Variants in MEOX2 observed in about 807,000 individuals in gnomAD.
MEOX2 encodes mesenchyme homeobox 2.
Under a neutral mutation model 27.0 loss-of-function variants are expected in MEOX2, and 11 were observed. That is an observed-to-expected ratio of 0.41 (90% CI 0.26 to 0.68). The LOEUF (loss-of-function observed/expected upper bound fraction) is 0.68, where lower values mean the gene tolerates loss of function less well. Ranked by LOEUF, MEOX2 falls within the 30% of genes least tolerant of loss-of-function variation. MEOX2 has a pLI of 0.33. For synonymous variants in MEOX2, 189 were observed against 155.4 expected, an observed-to-expected ratio of 1.22 and a Z score of -1.61; for missense variants, 436 against 385.4, an observed-to-expected ratio of 1.13 and a Z score of -1.10.
At chr7:15,685,313 G>A (rs1782360473) in intron 1 of MEOX2, among the ~76,000 whole-genome samples, 1 of 151,806 alleles carries the variant, frequency 6.6e-6, no homozygotes, top group East Asian at 1.9e-4. Flanking sequence ...TTTACCATTT[G>A]AAATAGGGTG....
At chr7:15,618,494 G>T (rs1235297456) in intron 2 of MEOX2, among the ~76,000 whole-genome samples, 2 of 151,750 alleles carry the variant, frequency 1.3e-5, no homozygotes, top group Non-Finnish European at 2.9e-5. Context: ...TCAACATCTT[G>T]CCCAATCTCT....
At chr7:15,618,104 T>C (rs1420338746) in intron 2 of MEOX2, among the ~76,000 whole-genome samples, 2 of 152,034 alleles carry the variant, frequency 1.3e-5, no homozygotes, top group Admixed American at 6.6e-5. Context: ...AGTGGTTCTA[T>C]GATTGATTCC....
At chr7:15,664,775 C>A (rs1781972842) in intron 1 of MEOX2, among the ~76,000 whole-genome samples, 1 of 152,096 alleles carries the variant, frequency 6.6e-6, no homozygotes, top group Admixed American at 6.5e-5. Context: ...TTAGTCTCTG[C>A]TCTTTTGCTA....
rs960821495 is a variant in MEOX2 at position 15,663,813 on chromosome 7, C to A, written c.517+22073G>T. On this transcript the variant is annotated intron_variant, in intron 1 of 2. Coordinates refer to ENST00000262041, the MANE Select transcript of MEOX2 (RefSeq NM_005924.5). ...TGGCAGTAAGAAGCAAATCATAGCT[C>A]GTAGTAATAGCATCATTCCAATCAC... 5.3e-5 allele frequency among the ~76,000 whole-genome samples: 8 copies of A among 152,150 alleles called. No individual in the cohort carries two copies. The South Asian group carries it at 6.2e-4, about 12-fold the overall frequency.
chr7:15,624,494 G>A (rs1349405125), intron 2 of MEOX2, among the ~76,000 whole-genome samples: 1 of 152,134 alleles, frequency 6.6e-6, no homozygotes, highest in African/African-American at 2.4e-5. Flanking sequence ...TAGCAAATAT[G>A]ACGTAAGAGG....
At chr7:15,640,139 A>G (rs1781537701) in intron 1 of MEOX2, among the ~76,000 whole-genome samples, 2 of 151,814 alleles carry the variant, frequency 1.3e-5, no homozygotes, top group Non-Finnish European at 2.9e-5. Flanking sequence ...TGTTTGTATT[A>G]TCTATGATTC....
chr7:15,616,569 C>A (rs1176250351), intron 2 of MEOX2, among the ~76,000 whole-genome samples: 1 of 151,644 alleles, frequency 6.6e-6, no homozygotes, highest in African/African-American at 2.4e-5. Flanking sequence ...ATTAACCCAG[C>A]TTTATTGACT....
intron 2 of MEOX2, among the ~76,000 whole-genome samples, chr7:15,614,308 G>A (rs999482264): frequency 4.6e-5 from 7 of 152,018 alleles, no homozygotes; most frequent in African/African-American, 1.4e-4. Context: ...CAGCTTCTCA[G>A]GAGGCTAGGG....
chr7:15,641,414 T>G (rs749522797), intron 1 of MEOX2, among the ~76,000 whole-genome samples: 1 of 152,112 alleles, frequency 6.6e-6, no homozygotes, highest in African/African-American at 2.4e-5. Flanking sequence ...TGAAGTCTGT[T>G]TTATCAAACA....
intron 1 of MEOX2, among the ~76,000 whole-genome samples, chr7:15,652,831 T>G (rs1781753587): frequency 6.6e-6 from 1 of 152,028 alleles, no homozygotes; most frequent in East Asian, 1.9e-4. Context: ...AATTGCTGAG[T>G]GGTTTTCCAT....
intron 1 of MEOX2, among the ~76,000 whole-genome samples, chr7:15,675,652 G>A (rs1421898474): frequency 1.3e-5 from 2 of 152,090 alleles, no homozygotes; most frequent in Non-Finnish European, 2.9e-5. Context: ...AGTGCCTTGA[G>A]GCTCTTCTAG....
rs746797445 is a variant in MEOX2 at position 15,686,056 on chromosome 7, C to A, written c.347G>T (p.Gly116Val). ...HSLCLQPDSG[G>V]PPELGSSPPV... is the part of the protein sequence containing the mutation. The stretch of plus-strand genomic sequence containing the variant: ...CGGGCTGCTCCCCAACTCTGGGGGC[C>A]CTCCAGAGTCGGGCTGGAGGCAGAG... Residue 116 changes from glycine (G) to valine (V), a missense_variant, in exon 1 of 3, where the codon GGG (glycine) becomes GTG (valine). Transcript: ENST00000262041. 6.2e-7 allele frequency: 1 copy of A among 1,601,636 alleles called. No individual in the cohort carries two copies. The highest frequency in any genetic ancestry group is 8.5e-7 in the Non-Finnish European group (1 of 1,176,636).
intron 2 of MEOX2, among the ~76,000 whole-genome samples, chr7:15,622,342 G>A (rs907723007): frequency 2.6e-5 from 4 of 152,026 alleles, no homozygotes; most frequent in East Asian, 3.9e-4. Flanking sequence ...ATGAGCCTAT[G>A]AGTCCTGTCT....
rs1782379378 is a variant in MEOX2 at position 15,686,156 on chromosome 7, G to C, written c.247C>G (p.Gln83Glu). The change falls in exon 1 of 3, where the codon CAG (glutamine) becomes GAG (glutamate). Residue 83 changes from glutamine (Q) to glutamate (E), a missense_variant. Physicochemically the swap from Gln to Glu is conservative, Grantham distance 29 (BLOSUM62 2). Coordinates refer to ENST00000262041, the MANE Select transcript of MEOX2 (RefSeq NM_005924.5). ...TTGGTTTGCAGAGCCTGGTGCTGCT[G>C]CTGCTGATGGTGGTGATGGTGGTGG... Reference protein sequence around the residue: ...HHHHHHHHQQQQHQALQTNWH... With the variant: ...HHHHHHHHQQEQHQALQTNWH... The C allele has an allele frequency of 1.3e-6, 2 of 1,567,432 alleles. No individual in the cohort carries two copies. Among genetic ancestry groups the C allele is most frequent in the Admixed American group, 1.9e-5 (1 of 53,648 alleles).
chr7:15,618,206 T>A (rs567780660), intron 2 of MEOX2, among the ~76,000 whole-genome samples: 1 of 152,128 alleles, frequency 6.6e-6, no homozygotes, highest in South Asian at 2.1e-4. Flanking sequence ...ACAGTAAAAA[T>A]TCACTATTCT....
chr7:15,616,902 G>A (rs1025945172), intron 2 of MEOX2, among the ~76,000 whole-genome samples: 2 of 151,908 alleles, frequency 1.3e-5, no homozygotes, highest in Admixed American at 6.6e-5. Flanking sequence ...GGTATTCACG[G>A]TCAAGAAAAT....
chr7:15,623,544 A>G (rs1781251615), intron 2 of MEOX2, among the ~76,000 whole-genome samples: 1 of 151,980 alleles, frequency 6.6e-6, no homozygotes, highest in South Asian at 2.1e-4. Flanking sequence ...TCATTTTTGT[A>G]TTTGTAGTAG....
chr7:15,645,819 A>G (rs1224590836), intron 1 of MEOX2, among the ~76,000 whole-genome samples: 2 of 152,098 alleles, frequency 1.3e-5, no homozygotes, highest in African/African-American at 4.8e-5. Context: ...ACGGAAATAT[A>G]TATATACCTT....
Position 15,612,420 on chromosome 7 carries a change from GTCGTGACTGTCT to G in MEOX2, c.870_881del (p.Glu290_His293del). The G allele has an allele frequency of 6.2e-7, 1 of 1,614,048 alleles. No individual in the cohort carries two copies. Among genetic ancestry groups the G allele is most frequent in the Non-Finnish European group, 8.5e-7 (1 of 1,179,934 alleles). On this transcript the variant is annotated inframe_deletion, in exon 3 of 3. Transcript: ENST00000262041. ...GCGCATGCTCTGAGCTGTGGTCACT[GTCGTGACTGTCT>G]TCATTTGCTATAGAGTCCCCTGTTT...
Sources: gnomAD v4.1 joint callset for allele counts (sites outside exome capture counted in the v4.1 genomes callset) on GRCh38, gnomAD v4.1.1 for gene constraint, MANE v1.5 for transcripts, NCBI Gene and HGNC (gene_info 2026-07-23, HGNC 2026-07-21) for gene names.